The following PIK3R1 variants were observed in gnomAD, a reference collection of about 807,000 sequenced individuals.
PIK3R1 encodes the protein phosphatidylinositol 3-kinase regulatory subunit alpha.
Under a neutral mutation model 98.0 loss-of-function variants are expected in PIK3R1, and 29 were observed. The observed-to-expected ratio is 0.30, with a 90% confidence interval of 0.22 to 0.40. PIK3R1 has a LOEUF of 0.40. PIK3R1 is among the 10% of genes least tolerant of loss of function. The pLI is 1.00. For missense variants in PIK3R1, 596 were observed against 872.7 expected (o/e 0.68, Z 3.99); for synonymous variants, 282 against 311.8 (o/e 0.90, Z 1.01).
intron 4 of PIK3R1, among the ~76,000 whole-genome samples, chr5:68,277,895 T>C (rs1746646640): frequency 6.6e-6 from 1 of 152,182 alleles, no homozygotes; most frequent in African/African-American, 2.4e-5. Flanking sequence ...ACACTGTCAT[T>C]AGTAAAGCTG....
rs1747996373 is a variant in PIK3R1 at position 68,300,769 on chromosome 5, C to CT, written c.*3171dup. On this transcript the variant is annotated 3_prime_UTR_variant, in exon 16 of 16. Transcript: ENST00000521381. ...TTACTTATGTGTATGGGATTTTTCC[C>CT]TTTGAGGTTGCTTTGTTTTGTCTTA... The CT allele has an allele frequency of 4.3e-6, 1 of 233,092 alleles. No individual in the cohort carries two copies. 14.4% of individuals were successfully genotyped at this position (233,092 alleles called of 1,614,324 possible). A position where few individuals can be genotyped will look rare whatever the true frequency, so the allele number is the denominator to read the frequency against.
chr5:68,258,002 T>G (rs978217682), intron 2 of PIK3R1, among the ~76,000 whole-genome samples: 13 of 152,206 alleles, frequency 8.5e-5, no homozygotes, highest in Non-Finnish European at 1.6e-4. Context: ...TAGTTTTCCC[T>G]TGGGGATCCA....
chr5:68,271,464 T>C (rs1321084228), intron 2 of PIK3R1, among the ~76,000 whole-genome samples: 1 of 152,226 alleles, frequency 6.6e-6, no homozygotes, highest in Non-Finnish European at 1.5e-5. Flanking sequence ...AACACAAAGC[T>C]GACTCGGGAA....
chr5:68,232,674 A>G (rs1311371809), intron 2 of PIK3R1, among the ~76,000 whole-genome samples: 1 of 152,228 alleles, frequency 6.6e-6, no homozygotes, highest in Non-Finnish European at 1.5e-5. Flanking sequence ...CTTTAGAATC[A>G]CAGGGTTATG....
chr5:68,274,578 A>T (rs1055449064), intron 4 of PIK3R1, among the ~76,000 whole-genome samples: 1 of 152,182 alleles, frequency 6.6e-6, no homozygotes, highest in African/African-American at 2.4e-5. Context: ...CTCTAGGAAG[A>T]AAAAGGCCCT....
chr5:68,237,655 C>T (rs922957969), intron 2 of PIK3R1, among the ~76,000 whole-genome samples: 63 of 151,558 alleles, frequency 4.2e-4, no homozygotes, highest in African/African-American at 1.3e-3. Flanking sequence ...ACTGGTAGTC[C>T]TGACACAGCT....
rs1474923296 is a variant in PIK3R1, at chr5:68,301,060, TAAC to T, written c.*3463_*3465del. On this transcript the variant is annotated 3_prime_UTR_variant, in exon 16 of 16. Coordinates refer to ENST00000521381, the MANE Select transcript of PIK3R1 (RefSeq NM_181523.3). ...TTTGGAAGAAAAAATCTGCTGGTTT[TAAC>T]AACTGTGCTTTTGCTATGTATGGTA... 5 of 231,890 alleles carry T rather than the reference TAAC, an allele frequency of 2.2e-5. No individual in the cohort carries two copies. Among genetic ancestry groups the T allele is most frequent in the Non-Finnish European group, 4.3e-5 (5 of 117,140 alleles). 14.4% of individuals were successfully genotyped at this position (231,890 alleles called of 1,614,324 possible).
intron 2 of PIK3R1, among the ~76,000 whole-genome samples, chr5:68,265,054 CTG>C (rs1043327977): frequency 1.2e-4 from 18 of 152,158 alleles, no homozygotes; most frequent in Non-Finnish European, 1.8e-4. Context: ...GATTTTCTCT[CTG>C]TGGCTGGTGG....
Position 68,226,680 on chromosome 5 carries a change from G to GTGCT in PIK3R1, c.6_9dup (p.Glu4CysfsTer2). 6.2e-7 allele frequency: 1 copy of GTGCT among 1,612,352 alleles called. No individual in the cohort carries two copies. Among genetic ancestry groups the GTGCT allele is most frequent in the Non-Finnish European group, 8.5e-7 (1 of 1,178,874 alleles). The stretch of plus-strand genomic sequence containing the variant: ...CATGGTAGCAGATTTGCAAACATGA[G>GTGCT]TGCTGAGGGGTACCAGTACAGAGCG... On this transcript the variant is annotated frameshift_variant, in exon 2 of 16. Coordinates refer to ENST00000521381, the MANE Select transcript of PIK3R1 (RefSeq NM_181523.3). LOFTEE classifies it high-confidence loss of function.
Position 68,280,612 on chromosome 5 carries a change from T to C in PIK3R1, c.719T>C (p.Leu240Pro). The C allele has an allele frequency of 6.2e-7, 1 of 1,613,682 alleles. No individual in the cohort carries two copies. Among genetic ancestry groups the C allele is most frequent in the Non-Finnish European group, 8.5e-7 (1 of 1,179,618 alleles). Residue 240 changes from leucine (L) to proline (P), a missense_variant, in exon 6 of 16, where the codon CTT becomes CCT. Coordinates refer to ENST00000521381, the MANE Select transcript of PIK3R1 (RefSeq NM_181523.3). ...PSIPHQYWLT[L>P]QYLLKHFFKL... Reference sequence around the variant, plus strand: ...ATACCTCATCAGTATTGGCTTACGCTTCAGTATTTGTTAAAACATTTCTTC... The same window carrying C: ...ATACCTCATCAGTATTGGCTTACGCCTCAGTATTTGTTAAAACATTTCTTC...
rs1039209488 is a variant in PIK3R1, at chr5:68,300,526, T to C, written c.*2925T>C. 8.6e-6 allele frequency: 2 copies of C among 233,074 alleles called. No individual in the cohort carries two copies. The highest frequency in any genetic ancestry group is 1.7e-5 in the Non-Finnish European group (2 of 117,994). 14.4% of individuals were successfully genotyped at this position (233,074 alleles called of 1,614,324 possible). The stretch of plus-strand genomic sequence containing the variant: ...GTGATTGGGCGTAGAAGTGGGAGCA[T>C]TGGGACCTCACATTACACACACGAG... On this transcript the variant is annotated 3_prime_UTR_variant, in exon 16 of 16. Coordinates refer to ENST00000521381, the MANE Select transcript of PIK3R1 (RefSeq NM_181523.3).
At chr5:68,248,980 T>C (rs1435600953) in intron 2 of PIK3R1, among the ~76,000 whole-genome samples, 3 of 152,234 alleles carry the variant, frequency 2.0e-5, no homozygotes, top group Non-Finnish European at 4.4e-5. Flanking sequence ...GTTAGGCTAA[T>C]ACATAGTATT....
At chr5:68,288,413 C>T (rs1055131808) in intron 7 of PIK3R1, 112 of 1,218,746 alleles carry the variant, frequency 9.2e-5, no homozygotes, top group Non-Finnish European at 1.1e-4. Flanking sequence ...TCCTTTCCTC[C>T]CCGATACAGT....
At chr5:68,223,729 A>G (rs1430455253) in intron 1 of PIK3R1, among the ~76,000 whole-genome samples, 1 of 152,194 alleles carries the variant, frequency 6.6e-6, no homozygotes, top group African/African-American at 2.4e-5. Flanking sequence ...AAAAGTCATC[A>G]TGTTCCTTAG....
Position 68,263,101 on chromosome 5 carries a change from A to G in PIK3R1, c.335-10289A>G, listed in dbSNP as rs1003011555. Among the ~76,000 whole-genome samples, 29 of 134,042 alleles carry G rather than the reference A, an allele frequency of 2.2e-4. 2 individuals are homozygous for G. Among genetic ancestry groups the G allele is most frequent in the African/African-American group, 6.8e-4 (24 of 35,062 alleles). 87.9% of individuals were successfully genotyped at this position (134,042 alleles called of 152,430 possible). On this transcript the variant is annotated intron_variant, in intron 2 of 15. Transcript: ENST00000521381. ...CATATATACATGTAGATACATGTAT[A>G]TAGATACATACATAGATATATAGAT...
intron 2 of PIK3R1, among the ~76,000 whole-genome samples, chr5:68,260,417 G>A (rs34300): frequency 0.87 from 132,670 of 152,076 alleles, 58,248 homozygotes; most frequent in African/African-American, 0.96. Context: ...CAGCAGTGCT[G>A]TGCATGCATG....
chr5:68,269,006 G>A (rs746085827), intron 2 of PIK3R1, among the ~76,000 whole-genome samples: 15 of 152,294 alleles, frequency 9.8e-5, no homozygotes, highest in Non-Finnish European at 1.6e-4. Flanking sequence ...AAACTAGAAC[G>A]AGTGGAAAAT....
intron 2 of PIK3R1, among the ~76,000 whole-genome samples, chr5:68,262,530 C>T: frequency 7.0e-6 from 1 of 141,938 alleles, no homozygotes; most frequent in South Asian, 2.2e-4. Flanking sequence ...AGATACATAG[C>T]TATATAGATA....
intron 1 of PIK3R1, among the ~76,000 whole-genome samples, chr5:68,222,070 A>G (rs1433815525): frequency 1.3e-5 from 2 of 152,252 alleles, no homozygotes; most frequent in Non-Finnish European, 2.9e-5. Context: ...TACATTGTAG[A>G]TAATGTTATC....
Sources: gnomAD v4.1 joint callset for allele counts (sites outside exome capture counted in the v4.1 genomes callset) on GRCh38, gnomAD v4.1.1 for gene constraint, MANE v1.5 for transcripts, NCBI Gene and HGNC (gene_info 2026-07-23, HGNC 2026-07-21) for gene names.